Variants in TASP1 observed in about 807,000 individuals in gnomAD.
TASP1 encodes threonine aspartase 1.
In TASP1, 16 loss-of-function variants were observed where a neutral mutation model predicts 56.6. The ratio of observed to expected loss-of-function variants is 0.28; its 90% confidence interval spans 0.19 to 0.43. TASP1 has a LOEUF of 0.43. TASP1 is among the 20% of genes least tolerant of loss of function. TASP1 has a pLI of 1.00. For synonymous variants in TASP1, 179 were observed against 184.2 expected (o/e 0.97, Z 0.23); for missense variants, 393 against 511.6 (o/e 0.77, Z 2.24).
chr20:13,359,480 G>A, the TASP1 span, among the ~76,000 whole-genome samples: 100 of 151,496 alleles, frequency 6.6e-4, 1 homozygote, highest in Admixed American at 1.1e-3. Context: ...CATCACGGAT[G>A]CCGAGCTTCG....
the TASP1 span, among the ~76,000 whole-genome samples, chr20:13,180,936 T>A: frequency 2.6e-5 from 4 of 152,148 alleles, no homozygotes; most frequent in South Asian, 8.3e-4. Flanking sequence ...ATAAAAAGAG[T>A]CATGACATCC....
At chr20:13,190,310 C>G in the TASP1 span, among the ~76,000 whole-genome samples, 1 of 152,114 alleles carries the variant, frequency 6.6e-6, no homozygotes, top group African/African-American at 2.4e-5. Flanking sequence ...GTGAAGGCAA[C>G]AGACCACCTG....
chr20:13,247,954 G>A, the TASP1 span, among the ~76,000 whole-genome samples: 1 of 152,156 alleles, frequency 6.6e-6, no homozygotes, highest in African/African-American at 2.4e-5. Flanking sequence ...GCCTTTGTGG[G>A]TCTGATACAG....
chr20:13,374,929 C>G, the TASP1 span, among the ~76,000 whole-genome samples: 1 of 152,154 alleles, frequency 6.6e-6, no homozygotes, highest in Non-Finnish European at 1.5e-5. Context: ...CTCATATCTT[C>G]ATTAAAATGT....
chr20:13,533,979 C>G (rs1372094560), intron 9 of TASP1, 43 bp downstream of exon 9: 1 of 1,570,618 alleles, frequency 6.4e-7, no homozygotes, highest in Admixed American at 2.0e-5. Flanking sequence ...AAATTCCATG[C>G]TTTACTTTGA....
At chr20:13,188,525 A>C in the TASP1 span, among the ~76,000 whole-genome samples, 1 of 152,218 alleles carries the variant, frequency 6.6e-6, no homozygotes, top group African/African-American at 2.4e-5. Flanking sequence ...CAGATGAAAG[A>C]AATCAAAGAG....
At chr20:13,449,150 G>A (rs1332569326) in intron 11 of TASP1, among the ~76,000 whole-genome samples, 5 of 151,968 alleles carry the variant, frequency 3.3e-5, no homozygotes, top group Admixed American at 2.0e-4. Context: ...CAGTGCTCCC[G>A]AGCAATGCCT....
chr20:13,375,078 G>GTGTTT, the TASP1 span, among the ~76,000 whole-genome samples: 2 of 152,078 alleles, frequency 1.3e-5, no homozygotes, highest in Non-Finnish European at 2.9e-5. Context: ...TAGGTGTGTT[G>GTGTTT]TGTTTTGTTT....
chr20:13,280,396 C>T, the TASP1 span, among the ~76,000 whole-genome samples: 26 of 147,998 alleles, frequency 1.8e-4, no homozygotes, highest in Admixed American at 2.0e-4. Context: ...AAGTAACCCC[C>T]CCCCCCCAAT....
In TASP1 at chr20:13,534,154, A is replaced by G; in HGVS notation, c.676-13T>C. ...CTGAGTCATTTTCCTGCAGAGCAAAAGTGGCACAAGTATTCACTAGGCATG... is the reference window on the plus strand; with the variant it reads ...CTGAGTCATTTTCCTGCAGAGCAAAGGTGGCACAAGTATTCACTAGGCATG... On this transcript the variant is annotated splice_polypyrimidine_tract_variant and intron_variant, in intron 8 of 13. Transcript: ENST00000337743. 1 of 1,612,886 alleles carries G rather than the reference A, an allele frequency of 6.2e-7. No homozygotes were observed. The highest frequency in any genetic ancestry group is 8.5e-7 in the Non-Finnish European group (1 of 1,179,394).
the TASP1 span, among the ~76,000 whole-genome samples, chr20:13,138,938 A>C: frequency 1.3e-5 from 2 of 152,310 alleles, no homozygotes; most frequent in East Asian, 3.9e-4. Flanking sequence ...TTCCTATAGG[A>C]GACACAATCT....
chr20:13,185,743 T>C, the TASP1 span, among the ~76,000 whole-genome samples: 11 of 152,148 alleles, frequency 7.2e-5, no homozygotes, highest in Non-Finnish European at 1.5e-4. Context: ...CTCATAAAAG[T>C]CATGGCAACA....
At chr20:13,112,200 A>C in the TASP1 span, among the ~76,000 whole-genome samples, 2 of 152,214 alleles carry the variant, frequency 1.3e-5, no homozygotes, top group South Asian at 4.1e-4. Context: ...GAGGCCTCTC[A>C]TGGAGGCCAC....
At chr20:13,395,929 C>T (rs1402807809) in intron 13 of TASP1, among the ~76,000 whole-genome samples, 6 of 151,748 alleles carry the variant, frequency 4.0e-5, no homozygotes, top group African/African-American at 1.5e-4. Flanking sequence ...TCTCGATCTC[C>T]TGACCTCATG....
chr20:13,132,457 G>T, the TASP1 span, among the ~76,000 whole-genome samples: 1 of 152,074 alleles, frequency 6.6e-6, no homozygotes, highest in Non-Finnish European at 1.5e-5. Flanking sequence ...GATTACAGGC[G>T]TGAGGACCGC....
chr20:13,417,437 T>G lies in TASP1; in HGVS notation c.1170+11A>C. 6.2e-7 allele frequency: 1 copy of G among 1,614,136 alleles called. No homozygotes were observed. The highest frequency in any genetic ancestry group is 8.5e-7 in the Non-Finnish European group (1 of 1,179,970). On this transcript the variant is annotated intron_variant, in intron 13 of 13. Transcript: ENST00000337743. ...AAGGTTTTCAGGTTATGACCGTTTT[T>G]TCCCACTTACCTTGGCTTTCCCATC...
At chr20:13,422,112 C>T (rs1011293714) in intron 12 of TASP1, among the ~76,000 whole-genome samples, 19 of 151,786 alleles carry the variant, frequency 1.3e-4, no homozygotes, top group Non-Finnish European at 2.2e-4. Context: ...CCACCACGCC[C>T]GGCTAATTTT....
the TASP1 span, among the ~76,000 whole-genome samples, chr20:13,127,821 T>C: frequency 6.6e-6 from 1 of 152,206 alleles, no homozygotes; most frequent in East Asian, 1.9e-4. Context: ...GGCTGATCTC[T>C]AGGATCCCTT....
chr20:13,559,246 T>G (rs2046263267), intron 7 of TASP1, 132 bp from the exon 8 acceptor site: 1 of 500,726 alleles, frequency 2.0e-6, no homozygotes, highest in African/African-American at 2.0e-5. Context: ...TTAAAAAGTC[T>G]TTTCAATGTA....
Sources: gnomAD v4.1 joint callset for allele counts (sites outside exome capture counted in the v4.1 genomes callset) on GRCh38, gnomAD v4.1.1 for gene constraint, MANE v1.5 for transcripts, NCBI Gene and HGNC (gene_info 2026-07-23, HGNC 2026-07-21) for gene names.